Variants in ANKRD62 observed in about 807,000 individuals in gnomAD.
The protein encoded by ANKRD62 is ankyrin repeat domain 62, also known as ankyrin repeat domain-containing protein 62.
ANKRD62 carries 61 observed loss-of-function variants against 98.8 expected under a neutral mutation model. That is an observed-to-expected ratio of 0.62 (90% confidence interval 0.50 to 0.76). The LOEUF is 0.76. Among genes scored for constraint, ANKRD62 ranks in the 30% least tolerant of loss-of-function variants. The pLI, the probability that ANKRD62 is intolerant of heterozygous loss-of-function variation, is 0.00. For synonymous variants in ANKRD62, 341 were observed against 367.9 expected, an observed-to-expected ratio of 0.93 and a Z score of 0.84; for missense variants, 933 against 1,082.9, an observed-to-expected ratio of 0.86 and a Z score of 1.94.
At position 12,100,875 on chromosome 18, in the gene ANKRD62, A is replaced by G. The variant is rs144860173; in HGVS notation, c.820+1193A>G. Among the ~76,000 whole-genome samples the G allele has an allele frequency of 4.2e-3, 647 of 152,352 alleles. 9 individuals carry two copies. Among genetic ancestry groups the G allele is most frequent in the African/African-American group, 0.015 (610 of 41,584 alleles). On this transcript the variant is annotated intron_variant, in intron 6 of 13. Coordinates refer to ENST00000587848, the MANE Select transcript of ANKRD62 (RefSeq NM_001277333.2). ...TGTTACCATTAGCTAAAATATTATT[A>G]TAATAATATTCGAATAGCCCAACTC...
At position 12,095,290 on chromosome 18, in the gene ANKRD62, A is replaced by G. The variant is rs1909156932; in HGVS notation, c.333+5A>G. 1.9e-6 allele frequency: 3 copies of G among 1,539,576 alleles called. No homozygotes were observed. Among genetic ancestry groups the G allele is most frequent in the Non-Finnish European group, 1.7e-6 (2 of 1,146,264 alleles). Reference sequence around the variant, plus strand: ...AACAGGACAGCTCTGATCAAGGTATATGGTAGCCAACTCTTTCAGCATGGG... The same window carrying G: ...AACAGGACAGCTCTGATCAAGGTATGTGGTAGCCAACTCTTTCAGCATGGG... On this transcript the variant is annotated splice_donor_5th_base_variant and intron_variant, in intron 2 of 13. Coordinates refer to ENST00000587848, the MANE Select transcript of ANKRD62 (RefSeq NM_001277333.2).
At position 12,099,607 on chromosome 18, in the gene ANKRD62, A is replaced by T. The variant is rs1909255292; in HGVS notation, c.753-8A>T. 2 of 1,469,710 alleles carry T rather than the reference A, an allele frequency of 1.4e-6. No homozygotes were observed. The highest frequency in any genetic ancestry group is 1.8e-6 in the Non-Finnish European group (2 of 1,109,940). The allele number at this position is 1,469,710 out of a possible 1,614,324, so 91.0% of individuals were successfully genotyped here. ...TAGTAATTGTATTTACTGCATTTTG[A>T]TACATAGCATTCGTGGAATGATTTC... On this transcript the variant is annotated splice_region_variant and splice_polypyrimidine_tract_variant and intron_variant, in intron 5 of 13. Transcript: ENST00000587848.
chr18:12,158,878 C>T, the ANKRD62 span, among the ~76,000 whole-genome samples: 1 of 152,068 alleles, frequency 6.6e-6, no homozygotes, highest in Non-Finnish European at 1.5e-5. Context: ...TTCAGCTGGG[C>T]TTCGAGTGGG....
intron 8 of ANKRD62, among the ~76,000 whole-genome samples, chr18:12,111,177 A>G (rs866707991): frequency 6.6e-6 from 1 of 151,492 alleles, no homozygotes; most frequent in South Asian, 2.1e-4. Context: ...TGAACCCGGG[A>G]GGCAGAGGTT....
chr18:12,154,033 G>A, the ANKRD62 span, among the ~76,000 whole-genome samples: 114 of 152,234 alleles, frequency 7.5e-4, 1 homozygote, highest in Admixed American at 2.4e-3. Context: ...TACCATCCCA[G>A]ACATTGGAAT....
At position 12,095,178 on chromosome 18, in the gene ANKRD62, C is replaced by T. The variant is rs267605116; in HGVS notation, c.226C>T (p.Leu76=). 9 of 1,536,456 alleles carry T rather than the reference C, an allele frequency of 5.9e-6. No individual in the cohort carries two copies. The highest frequency in any genetic ancestry group is 7.8e-6 in the Non-Finnish European group (9 of 1,146,792). The change falls in exon 2 of 14, where the codon CTA becomes TTA. Residue 76 remains leucine (L), a synonymous_variant. Coordinates refer to ENST00000587848, the MANE Select transcript of ANKRD62 (RefSeq NM_001277333.2). ...NDRDKKNRTA[L]LLACAHGRPG... ...GACCTCTCATTCTCACAGGACTGCTCTACTTTTGGCGTGTGCCCATGGCCG... is the reference window on the plus strand; with the variant it reads ...GACCTCTCATTCTCACAGGACTGCTTTACTTTTGGCGTGTGCCCATGGCCG...
downstream of ANKRD62, among the ~76,000 whole-genome samples, chr18:12,133,040 CT>C (rs1910029088): frequency 6.6e-6 from 1 of 152,052 alleles, no homozygotes; most frequent in South Asian, 2.1e-4. Context: ...TTCATCATCC[CT>C]AATAGAAACT....
chr18:12,146,119 C>T, the ANKRD62 span, among the ~76,000 whole-genome samples: 1 of 152,034 alleles, frequency 6.6e-6, no homozygotes, highest in Non-Finnish European at 1.5e-5. Context: ...TAGCACAGCA[C>T]AGCACAGCAC....
At chr18:12,117,175 GATTT>G (rs1909682555) in intron 10 of ANKRD62, among the ~76,000 whole-genome samples, 2 of 152,088 alleles carry the variant, frequency 1.3e-5, no homozygotes, top group Non-Finnish European at 2.9e-5. Flanking sequence ...GATTTGATCC[GATTT>G]TCTACATAGA....
downstream of ANKRD62, among the ~76,000 whole-genome samples, chr18:12,130,551 A>G (rs2143939501): frequency 6.6e-6 from 1 of 152,330 alleles, no homozygotes; most frequent in East Asian, 1.9e-4. Context: ...CAGAGTTTGG[A>G]ATATTTGTAT....
the ANKRD62 span, among the ~76,000 whole-genome samples, chr18:12,161,023 T>G: frequency 6.6e-6 from 1 of 152,142 alleles, no homozygotes; most frequent in African/African-American, 2.4e-5. Flanking sequence ...CTTAAGTGAT[T>G]CTATTTGGTA....
chr18:12,128,599 A>G lies in ANKRD62; in HGVS notation c.*660A>G, dbSNP rs1282824854. 2.0e-5 allele frequency: 3 copies of G among 152,270 alleles called. No individual in the cohort carries two copies. The highest frequency in any genetic ancestry group is 4.8e-5 in the African/African-American group (2 of 41,474). 9.4% of individuals were successfully genotyped at this position (152,270 alleles called of 1,614,324 possible). ...ACGTGGCTTCTCCTTTGGCATGTCAATGGACATCCCTGCATTTTAAGATGA... is the reference window on the plus strand; with the variant it reads ...ACGTGGCTTCTCCTTTGGCATGTCAGTGGACATCCCTGCATTTTAAGATGA... On this transcript the variant is annotated 3_prime_UTR_variant, in exon 14 of 14. Coordinates refer to ENST00000587848, the MANE Select transcript of ANKRD62 (RefSeq NM_001277333.2).
chr18:12,175,432 T>C, the ANKRD62 span, among the ~76,000 whole-genome samples: 1 of 152,068 alleles, frequency 6.6e-6, no homozygotes, highest in African/African-American at 2.4e-5. Context: ...TATGCACACA[T>C]GCATGTGGGT....
In ANKRD62 at chr18:12,115,529, G is replaced by A. The variant is rs1008149657; in HGVS notation, c.1235G>A (p.Cys412Tyr). Residue 412 changes from cysteine (C) to tyrosine (Y), a missense_variant, in exon 10 of 14, where the codon TGT becomes TAT. Physicochemically the swap from Cys to Tyr is radical, Grantham distance 194. Coordinates refer to ENST00000587848, the MANE Select transcript of ANKRD62 (RefSeq NM_001277333.2). ...CTCATTGAACAAAGTGGAATGGAGT[G>A]TAAAGGTAGGACCAATGCATAAATA... ...MLLIEQSGME[C>Y]KDFVSLSKSK... 3.3e-6 allele frequency: 5 copies of A among 1,535,220 alleles called. No individual in the cohort carries two copies. In the African/African-American group the frequency reaches 6.9e-5, roughly 21 times the overall value.
At chr18:12,101,764 A>G (rs1238814859) in intron 6 of ANKRD62, among the ~76,000 whole-genome samples, 1 of 152,216 alleles carries the variant, frequency 6.6e-6, no homozygotes, top group African/African-American at 2.4e-5. Context: ...AGGCAACCCC[A>G]TTAACTCACC....
chr18:12,120,287 A>T (rs1296219236), intron 10 of ANKRD62, among the ~76,000 whole-genome samples: 1 of 152,144 alleles, frequency 6.6e-6, no homozygotes, highest in Non-Finnish European at 1.5e-5. Flanking sequence ...AGTTCTATCT[A>T]CTTTGGCCTC....
At chr18:12,171,444 TC>T in the ANKRD62 span, among the ~76,000 whole-genome samples, 1 of 152,224 alleles carries the variant, frequency 6.6e-6, no homozygotes, top group Non-Finnish European at 1.5e-5. Flanking sequence ...ATTCTTTTCT[TC>T]AAGAACGTTG....
At chr18:12,103,605 A>T (rs930334640) in intron 7 of ANKRD62, among the ~76,000 whole-genome samples, 3 of 152,090 alleles carry the variant, frequency 2.0e-5, no homozygotes, top group African/African-American at 7.2e-5. Context: ...AATGGTCCAA[A>T]ATTTGCAGTT....
chr18:12,154,451 G>T, the ANKRD62 span, among the ~76,000 whole-genome samples: 1 of 152,200 alleles, frequency 6.6e-6, no homozygotes, highest in Admixed American at 6.5e-5. Flanking sequence ...AACAACAGAT[G>T]CTGGCAAGGT....
Sources: gnomAD v4.1 joint callset for allele counts (sites outside exome capture counted in the v4.1 genomes callset) on GRCh38, gnomAD v4.1.1 for gene constraint, MANE v1.5 for transcripts, NCBI Gene and HGNC (gene_info 2026-07-23, HGNC 2026-07-21) for gene names.